The following PIP5K1C variants were observed in gnomAD, a reference collection of about 807,000 sequenced individuals.
The protein encoded by PIP5K1C is phosphatidylinositol-4-phosphate 5-kinase type 1 gamma.
PIP5K1C carries 45 observed loss-of-function variants against 80.1 expected under a neutral mutation model. That is an observed-to-expected ratio of 0.56 (90% CI 0.44 to 0.72). The LOEUF is 0.72. Ranked by LOEUF, PIP5K1C falls within the 30% of genes least tolerant of loss-of-function variation. The probability of loss-of-function intolerance (pLI) is 0.00; values close to 1 mark genes in which losing one functional copy is unlikely to be tolerated. For missense variants in PIP5K1C, 753 were observed against 954.6 expected (o/e 0.79, Z 2.78); for synonymous variants, 498 against 420.1 (o/e 1.19, Z -2.27).
intron 1 of PIP5K1C, among the ~76,000 whole-genome samples, chr19:3,681,663 C>T (rs1479306247): frequency 6.6e-6 from 1 of 152,122 alleles, no homozygotes; most frequent in Non-Finnish European, 1.5e-5. Flanking sequence ...GGCATTGGAC[C>T]TATTTTACAG....
At chr19:3,682,637 T>C (rs961570193) in intron 1 of PIP5K1C, among the ~76,000 whole-genome samples, 6 of 152,054 alleles carry the variant, frequency 3.9e-5, no homozygotes, top group African/African-American at 9.7e-5. Flanking sequence ...TGCAGTGAGC[T>C]ATGATGGTGA....
At chr19:3,639,081 C>A (rs1213766137) in intron 15 of PIP5K1C, 65 bp from the exon 16 acceptor site, 3 of 1,574,110 alleles carry the variant, frequency 1.9e-6, no homozygotes, top group African/African-American at 2.7e-5. Flanking sequence ...CCCGCGCCCC[C>A]ACTCAGGACC....
In PIP5K1C at chr19:3,700,402, G is replaced by A. The variant is rs2036262419; in HGVS notation, c.-12C>T. On this transcript the variant is annotated 5_prime_UTR_variant, in exon 1 of 18. Transcript: ENST00000335312. ...ACCTCCAGCTCCATGGCCGCGCGCG[G>A]ACGGCGGCGGGGGCGCCCGAGGGGG... 1.8e-6 allele frequency: 2 copies of A among 1,113,710 alleles called. No individual in the cohort carries two copies. Among genetic ancestry groups the A allele is most frequent in the African/African-American group, 3.4e-5 (2 of 59,480 alleles). 69.0% of individuals were successfully genotyped at this position (1,113,710 alleles called of 1,614,324 possible).
intron 16 of PIP5K1C, among the ~76,000 whole-genome samples, chr19:3,633,824 G>A (rs868562682): frequency 6.6e-4 from 101 of 152,150 alleles, no homozygotes; most frequent in Middle Eastern, 3.4e-3. Flanking sequence ...GGTGGGGGTC[G>A]CGACCTGGAG....
intron 5 of PIP5K1C, among the ~76,000 whole-genome samples, chr19:3,657,579 T>G (rs1173385561): frequency 6.6e-6 from 1 of 152,042 alleles, no homozygotes; most frequent in Non-Finnish European, 1.5e-5. Flanking sequence ...CCAATGCTGC[T>G]GTGATAAACA....
At chr19:3,676,781 G>C (rs916033309) in intron 1 of PIP5K1C, among the ~76,000 whole-genome samples, 3 of 151,660 alleles carry the variant, frequency 2.0e-5, no homozygotes, top group African/African-American at 7.3e-5. Flanking sequence ...TACCAAGAAA[G>C]AAAAAAAGGA....
chr19:3,645,883 G>T, intron 11 of PIP5K1C, 91 bp downstream of exon 11: 1 of 948,808 alleles, frequency 1.1e-6, no homozygotes, highest in Non-Finnish European at 1.7e-6. Flanking sequence ...TGCCCAGGGG[G>T]CTCTCGGCCT....
chr19:3,660,619 A>C (rs552591394), intron 5 of PIP5K1C, among the ~76,000 whole-genome samples: 9 of 152,300 alleles, frequency 5.9e-5, no homozygotes, highest in Admixed American at 5.2e-4. Flanking sequence ...CTTAAGTCTG[A>C]AAATGGGTCA....
rs763730398 is a variant in PIP5K1C at position 3,637,574 on chromosome 19, G to A, written c.1920+1310C>T. The A allele has an allele frequency of 9.8e-6, 15 of 1,526,248 alleles. 1 individual carries two copies. Among genetic ancestry groups the A allele is most frequent in the Middle Eastern group, 3.4e-4 (2 of 5,966 alleles). 94.5% of individuals were successfully genotyped at this position (1,526,248 alleles called of 1,614,324 possible). A position where few individuals can be genotyped will look rare whatever the true frequency, so the allele number is the denominator to read the frequency against. Reference sequence around the variant, plus strand: ...CTCAGCGTCACGGCCCGCAGTCGGCGATGGCGGGGAGAGTAAATCCAGTAC... The same window carrying A: ...CTCAGCGTCACGGCCCGCAGTCGGCAATGGCGGGGAGAGTAAATCCAGTAC... On this transcript the variant is annotated intron_variant, in intron 16 of 17. Transcript: ENST00000335312. This position sits in a 1 kb window ranked among gnomAD's most constrained non-coding sequence, Gnocchi z 7.0.
Position 3,653,147 on chromosome 19 carries a change from C to T in PIP5K1C, c.921+143G>A. The T allele has an allele frequency of 4.3e-6, 3 of 704,138 alleles. No individual in the cohort carries two copies. The South Asian group carries it at 5.4e-5, about 13-fold the overall frequency. 43.6% of individuals were successfully genotyped at this position (704,138 alleles called of 1,614,324 possible). On this transcript the variant is annotated intron_variant, in intron 7 of 17. Transcript: ENST00000335312. ...TAAAAGCTTGAGCGCTTCTGGATCC[C>T]ACACTGGGGTGGGGCCTGCTGTAGG...
At chr19:3,653,700 C>A (rs1038025365) in intron 6 of PIP5K1C, 111 bp from the exon 7 acceptor site, 5 of 1,029,272 alleles carry the variant, frequency 4.9e-6, no homozygotes, top group South Asian at 4.8e-5. Flanking sequence ...GGCCAGCCCC[C>A]CTCTCTCCCC....
At chr19:3,651,519 G>A (rs567495094) in intron 8 of PIP5K1C, among the ~76,000 whole-genome samples, 50 of 152,346 alleles carry the variant, frequency 3.3e-4, no homozygotes, top group Admixed American at 2.6e-3. Flanking sequence ...CCCTCTGAGT[G>A]CCACCGGGAA....
At chr19:3,674,350 T>C (rs1052373408) in intron 1 of PIP5K1C, 7 of 152,326 alleles carry the variant, frequency 4.6e-5, no homozygotes, top group Non-Finnish European at 7.3e-5. Flanking sequence ...AGATCTCGGC[T>C]CACTACAACC....
chr19:3,648,162 C>G lies in PIP5K1C; in HGVS notation c.1211+463G>C, dbSNP rs890566564. ...GCCTCGGCCTCCCAAGTAGCTGGGA[C>G]TGCAGGAGCACCACCACGCTCAGCT... On this transcript the variant is annotated intron_variant, in intron 9 of 17. Coordinates refer to ENST00000335312, the MANE Select transcript of PIP5K1C (RefSeq NM_012398.3). The surrounding 1 kb of genome is among the most constrained non-coding windows in gnomAD (Gnocchi z 4.3). Among the ~76,000 whole-genome samples, 1 of 151,798 alleles carries G rather than the reference C, an allele frequency of 6.6e-6. No individual in the cohort carries two copies. Among genetic ancestry groups the G allele is most frequent in the Non-Finnish European group, 1.5e-5 (1 of 67,954 alleles).
At chr19:3,659,456 C>T (rs1331265865) in intron 5 of PIP5K1C, among the ~76,000 whole-genome samples, 2 of 152,238 alleles carry the variant, frequency 1.3e-5, no homozygotes, top group Non-Finnish European at 2.9e-5. Flanking sequence ...GGCTTTTATC[C>T]GTCCACTCCT....
chr19:3,639,034 C>CA lies in PIP5K1C; in HGVS notation c.1788-19dup. The CA allele has an allele frequency of 6.2e-7, 1 of 1,608,576 alleles. No homozygotes were observed. The highest frequency in any genetic ancestry group is 8.5e-7 in the Non-Finnish European group (1 of 1,179,822). Reference sequence around the variant, plus strand: ...CCTCCACCCTGGGGACAGGAGTAGACAGAGGGTCTTGACCCTCAGGCCCCA... The same window carrying CA: ...CCTCCACCCTGGGGACAGGAGTAGACAAGAGGGTCTTGACCCTCAGGCCCCA... On this transcript the variant is annotated intron_variant, in intron 15 of 17. Coordinates refer to ENST00000335312, the MANE Select transcript of PIP5K1C (RefSeq NM_012398.3).
rs1386562313 is a variant in PIP5K1C, at chr19:3,692,318, G to A, written c.94+7979C>T. Among the ~76,000 whole-genome samples the A allele has an allele frequency of 3.3e-5, 5 of 152,092 alleles. No homozygotes were observed. Among genetic ancestry groups the A allele is most frequent in the Non-Finnish European group, 7.4e-5 (5 of 68,004 alleles). On this transcript the variant is annotated intron_variant, in intron 1 of 17. Transcript: ENST00000335312. The surrounding 1 kb of genome is among the most constrained non-coding windows in gnomAD (Gnocchi z 5.2). ...GACGGCCCCACCCAGTCCCACTGCC[G>A]GCTCCCACCACGGCCCCCAACGCTC...
chr19:3,636,331 C>T (rs1242905485), intron 16 of PIP5K1C: 1 of 951,014 alleles, frequency 1.1e-6, no homozygotes, highest in Non-Finnish European at 1.3e-6. Context: ...AGGGCACAGC[C>T]TCTTCAGCAC....
Position 3,644,339 on chromosome 19 carries a change from G to A in PIP5K1C, c.1346-88C>T, listed in dbSNP as rs10413486. The A allele has an allele frequency of 0.061, 82,407 of 1,344,544 alleles. 4,539 individuals are homozygous for A. Among genetic ancestry groups the A allele is most frequent in the African/African-American group, 0.23 (16,036 of 69,846 alleles). The allele number at this position is 1,344,544 out of a possible 1,614,324, so 83.3% of individuals were successfully genotyped here. On this transcript the variant is annotated intron_variant, in intron 11 of 17. Transcript: ENST00000335312. ...GGGCCGCCGCCCACATATACCCCAC[G>A]TCCCTGTGGCCCACCAGACCCCTAC...
Sources: gnomAD v4.1 joint callset for allele counts (sites outside exome capture counted in the v4.1 genomes callset) on GRCh38, gnomAD v4.1.1 for gene constraint, Gnocchi (gnomAD v3.1) non-coding constraint, MANE v1.5 for transcripts, NCBI Gene and HGNC (gene_info 2026-07-23, HGNC 2026-07-21) for gene names.